Variants in CCDC180 observed in about 807,000 individuals in gnomAD.
CCDC180 encodes coiled-coil domain containing 180.
Under a neutral mutation model 209.2 loss-of-function variants are expected in CCDC180, and 154 were observed. The observed-to-expected ratio is 0.74, with a 90% confidence interval of 0.65 to 0.84. The LOEUF (loss-of-function observed/expected upper bound fraction) is 0.84, where lower values mean the gene tolerates loss of function less well. Among genes scored for constraint, CCDC180 ranks in the 40% least tolerant of loss-of-function variants. CCDC180 has a pLI of 0.00. For synonymous variants in CCDC180, 778 were observed against 749.1 expected (o/e 1.04, Z -0.63); for missense variants, 1,874 against 1,997.3 (o/e 0.94, Z 1.18).
intron 29 of CCDC180, 123 bp downstream of exon 29, chr9:97,364,251 G>A: frequency 1.2e-6 from 1 of 831,932 alleles, no homozygotes; most frequent in Non-Finnish European, 1.9e-6. Flanking sequence ...CAGAGGAGGG[G>A]TGAGAGGAGA....
chr9:97,344,947 A>AT (rs1366998062), intron 19 of CCDC180, among the ~76,000 whole-genome samples: 2 of 152,028 alleles, frequency 1.3e-5, no homozygotes, highest in African/African-American at 4.8e-5. Flanking sequence ...TATTTTGCTT[A>AT]TTTTTTCACT....
intron 14 of CCDC180, among the ~76,000 whole-genome samples, chr9:97,326,183 G>A (rs1833526459): frequency 6.6e-6 from 1 of 152,198 alleles, no homozygotes; most frequent in African/African-American, 2.4e-5. Context: ...CAGTCCAGGA[G>A]GTGGGGGAAC....
intron 35 of CCDC180, among the ~76,000 whole-genome samples, chr9:97,374,982 G>A (rs1402600781): frequency 6.6e-6 from 1 of 152,234 alleles, no homozygotes; most frequent in Non-Finnish European, 1.5e-5. Context: ...CTGGCATTGT[G>A]AGCCACTCCA....
At chr9:97,365,601 G>A (rs961956539) in intron 29 of CCDC180, 72 bp from the exon 30 acceptor site, 3 of 1,390,002 alleles carry the variant, frequency 2.2e-6, no homozygotes, top group African/African-American at 2.8e-5. Context: ...GGAAAGTTCT[G>A]TTCATGTGGT....
intron 22 of CCDC180, among the ~76,000 whole-genome samples, chr9:97,353,717 T>C (rs1042182367): frequency 6.6e-6 from 1 of 152,180 alleles, no homozygotes; most frequent in Non-Finnish European, 1.5e-5. Flanking sequence ...ATTTTGTAAA[T>C]GTATGTGAAG....
At chr9:97,331,165 G>A (rs960236771) in intron 18 of CCDC180, among the ~76,000 whole-genome samples, 8 of 151,896 alleles carry the variant, frequency 5.3e-5, no homozygotes, top group African/African-American at 1.9e-4. Flanking sequence ...TTAAAAGTGA[G>A]AACATGCAGT....
intron 16 of CCDC180, 23 bp downstream of exon 16, chr9:97,328,169 C>A (rs770720025): frequency 6.2e-7 from 1 of 1,609,312 alleles, no homozygotes; most frequent in Admixed American, 1.7e-5. Flanking sequence ...TGATGATACA[C>A]CCAGCCACTC....
At chr9:97,337,207 A>G (rs1825934021) in intron 18 of CCDC180, among the ~76,000 whole-genome samples, 1 of 152,190 alleles carries the variant, frequency 6.6e-6, no homozygotes, top group Non-Finnish European at 1.5e-5. Flanking sequence ...TATGTTGAAT[A>G]GGAGTGGTGA....
intron 5 of CCDC180, among the ~76,000 whole-genome samples, chr9:97,313,880 T>G (rs1180343374): frequency 6.6e-6 from 1 of 152,212 alleles, no homozygotes; most frequent in Non-Finnish European, 1.5e-5. Flanking sequence ...AGATTTCCAT[T>G]TGTCCCCTTC....
At chr9:97,333,296 A>T (rs990209093) in intron 18 of CCDC180, among the ~76,000 whole-genome samples, 12 of 152,084 alleles carry the variant, frequency 7.9e-5, no homozygotes, top group Admixed American at 3.3e-4. Flanking sequence ...TTTTTGCATC[A>T]ATGTTAATCA....
At chr9:97,310,268 A>G (rs1832939597) in intron 3 of CCDC180, among the ~76,000 whole-genome samples, 1 of 152,210 alleles carries the variant, frequency 6.6e-6, no homozygotes, top group Non-Finnish European at 1.5e-5. Flanking sequence ...GAGGGAAAGT[A>G]GCTGTGGGCC....
chr9:97,320,734 A>G (rs913186314), intron 11 of CCDC180, among the ~76,000 whole-genome samples: 1 of 152,186 alleles, frequency 6.6e-6, no homozygotes, highest in Non-Finnish European at 1.5e-5. Flanking sequence ...AAAATGCTCT[A>G]TAATAAGGGC....
chr9:97,332,803 A>G (rs10981647), intron 18 of CCDC180, among the ~76,000 whole-genome samples: 10,970 of 152,192 alleles, frequency 0.072, 1,046 homozygotes, highest in African/African-American at 0.21. Flanking sequence ...TAGCTATAGA[A>G]TGTCATCTGC....
At chr9:97,352,241 G>A (rs1826440764) in intron 22 of CCDC180, among the ~76,000 whole-genome samples, 1 of 152,212 alleles carries the variant, frequency 6.6e-6, no homozygotes, top group African/African-American at 2.4e-5. Context: ...ACAAAGACCA[G>A]GTGGTTGAAG....
chr9:97,361,800 G>A lies in CCDC180; in HGVS notation c.3558G>A (p.Lys1186=). ...TSSEALEEEA[K]LDVVTPESFT... ...CAGAAGCCCTTGAAGAGGAGGCCAA[G>A]CTGGACGTGGTCACCCCTGAGTCCT... Residue 1186 remains lysine (K), a synonymous_variant, in exon 27 of 37, where the codon AAG becomes AAA. Transcript: ENST00000529487. 1 of 1,614,208 alleles carries A rather than the reference G, an allele frequency of 6.2e-7. No homozygotes were observed.
chr9:97,349,061 C>G, intron 20 of CCDC180, 50 bp from the exon 21 acceptor site: 1 of 1,501,356 alleles, frequency 6.7e-7, no homozygotes, highest in Non-Finnish European at 8.9e-7. Context: ...AAGCAATGTG[C>G]TGAGGTGAAT....
intron 12 of CCDC180, among the ~76,000 whole-genome samples, chr9:97,323,346 C>G (rs1587791642): frequency 6.6e-6 from 1 of 152,180 alleles, no homozygotes; most frequent in Non-Finnish European, 1.5e-5. Context: ...AATGCGCCCC[C>G]TTCATAGATA....
Position 97,322,904 on chromosome 9 carries a change from C to G in CCDC180, c.1231C>G (p.His411Asp), listed in dbSNP as rs1833404408. The change falls in exon 12 of 37, where the codon CAT (histidine) becomes GAT (aspartate). Residue 411 changes from histidine (H) to aspartate (D), a missense_variant. Transcript: ENST00000529487. ...GAAGACATGGCAGGAGTGCCTGATG[C>G]ATGTGCAGAATTGTAAGGTGGGCAC... The part of the protein sequence containing the change: ...YEKTWQECLM[H>D]VQNCKKQLLD... The G allele has an allele frequency of 1.9e-6, 3 of 1,613,920 alleles. No individual in the cohort carries two copies. The highest frequency in any genetic ancestry group is 1.3e-5 in the African/African-American group (1 of 75,040).
At chr9:97,356,218 C>T (rs989862830) in intron 24 of CCDC180, among the ~76,000 whole-genome samples, 2 of 152,114 alleles carry the variant, frequency 1.3e-5, no homozygotes, top group Non-Finnish European at 2.9e-5. Context: ...TAGGTCAATG[C>T]CCATTCAGGG....
Sources: gnomAD v4.1 joint callset for allele counts (sites outside exome capture counted in the v4.1 genomes callset) on GRCh38, gnomAD v4.1.1 for gene constraint, MANE v1.5 for transcripts, NCBI Gene and HGNC (gene_info 2026-07-23, HGNC 2026-07-21) for gene names.